The following NPAS2 variants were observed in gnomAD, a reference collection of about 807,000 sequenced individuals.
NPAS2 encodes neuronal PAS domain protein 2, also known as neuronal PAS domain-containing protein 2.
In NPAS2, 23 loss-of-function variants were observed where a neutral mutation model predicts 107.5. The ratio of observed to expected loss-of-function variants is 0.21; its 90% CI spans 0.15 to 0.30. NPAS2 has a LOEUF of 0.30. NPAS2 is among the 10% of genes least tolerant of loss of function. The pLI is 1.00. For synonymous variants in NPAS2, 403 were observed against 417.5 expected, an observed-to-expected ratio of 0.97 and a Z score of 0.42; for missense variants, 756 against 1,043.3, an observed-to-expected ratio of 0.72 and a Z score of 3.79.
chr2:100,988,364 C>A, intron 17 of NPAS2, 88 bp downstream of exon 17: 2 of 1,162,714 alleles, frequency 1.7e-6, no homozygotes, highest in African/African-American at 1.5e-5. Context: ...CTGCAGCCTA[C>A]GTGAACTGAG....
intron 1 of NPAS2, among the ~76,000 whole-genome samples, chr2:100,902,627 TG>T (rs1681860250): frequency 6.6e-6 from 1 of 152,174 alleles, no homozygotes; most frequent in African/African-American, 2.4e-5. Context: ...CTGGAATGGA[TG>T]GTGGTGATGG....
rs1201619863 is a variant in NPAS2, at chr2:100,990,274, A to C, written c.1846A>C (p.Ser616Arg). The C allele has an allele frequency of 6.2e-7, 1 of 1,614,134 alleles. No individual in the cohort carries two copies. The change falls in exon 18 of 21, where the codon AGC (serine) becomes CGC (arginine). Residue 616 changes from serine to arginine, a missense_variant. Transcript: ENST00000335681. ...ISTQGPKPMR[S>R]SQLMQSSGRS... Reference sequence around the variant, plus strand: ...GCTCCAGGGTCCAAAGCCAATGAGAAGCTCACAGCTAATGCAGAGCAGCGG... The same window carrying C: ...GCTCCAGGGTCCAAAGCCAATGAGACGCTCACAGCTAATGCAGAGCAGCGG...
At chr2:100,848,068 G>A (rs1677894474) in intron 1 of NPAS2, among the ~76,000 whole-genome samples, 1 of 152,206 alleles carries the variant, frequency 6.6e-6, no homozygotes, top group Admixed American at 6.5e-5. Context: ...TTTAGAAGTG[G>A]ATGTTTTCAA....
chr2:100,988,407 T>C (rs1677898244), intron 17 of NPAS2, 131 bp downstream of exon 17: 4 of 748,482 alleles, frequency 5.3e-6, no homozygotes, highest in Non-Finnish European at 8.8e-6. Flanking sequence ...GGACTGAGGG[T>C]AGATTTGGGA....
intron 16 of NPAS2, chr2:100,986,929 A>T (rs1478510833): frequency 6.6e-6 from 1 of 152,168 alleles, no homozygotes; most frequent in Non-Finnish European, 1.5e-5. Context: ...CACCTAAACA[A>T]CTGTTTTATT....
chr2:100,859,070 G>A (rs1323055669), intron 1 of NPAS2, among the ~76,000 whole-genome samples: 1 of 152,202 alleles, frequency 6.6e-6, no homozygotes, highest in African/African-American at 2.4e-5. Context: ...TTCAAGACCA[G>A]CCTGGCCAAC....
At chr2:100,831,226 G>A (rs925900754) in intron 1 of NPAS2, among the ~76,000 whole-genome samples, 4 of 152,144 alleles carry the variant, frequency 2.6e-5, no homozygotes, top group Admixed American at 6.5e-5. Flanking sequence ...AACCCAGGAG[G>A]CGGAGGTTGC....
At chr2:100,940,593 G>A (rs1349262211) in intron 5 of NPAS2, among the ~76,000 whole-genome samples, 3 of 152,168 alleles carry the variant, frequency 2.0e-5, no homozygotes, top group African/African-American at 7.2e-5. Flanking sequence ...ACCGTGCCTG[G>A]CCCAGAGCGA....
intron 17 of NPAS2, chr2:100,990,023 A>T: frequency 1.8e-6 from 1 of 551,402 alleles, no homozygotes; most frequent in Non-Finnish European, 3.2e-6. Flanking sequence ...AGTTCAGTTC[A>T]AGGCACATTT....
At chr2:100,839,940 A>G (rs891960015) in intron 1 of NPAS2, among the ~76,000 whole-genome samples, 5 of 152,182 alleles carry the variant, frequency 3.3e-5, no homozygotes, top group Admixed American at 2.6e-4. Flanking sequence ...GATGGAATTT[A>G]GGATTAACTT....
At chr2:100,916,889 A>G (rs1380266590) in intron 2 of NPAS2, among the ~76,000 whole-genome samples, 1 of 152,238 alleles carries the variant, frequency 6.6e-6, no homozygotes, top group African/African-American at 2.4e-5. Flanking sequence ...ATATCTCCAC[A>G]TCTTGGAAAT....
intron 7 of NPAS2, among the ~76,000 whole-genome samples, chr2:100,955,639 A>G (rs957983546): frequency 5.2e-5 from 7 of 134,530 alleles, no homozygotes; most frequent in Non-Finnish European, 1.0e-4. Flanking sequence ...CACTGGGTAA[A>G]CTGGATTGTG....
intron 2 of NPAS2, among the ~76,000 whole-genome samples, chr2:100,911,724 C>A (rs1198535397): frequency 2.6e-5 from 4 of 152,144 alleles, no homozygotes; most frequent in Non-Finnish European, 4.4e-5. Flanking sequence ...CTCCACCTCC[C>A]GGGTTCAAGC....
chr2:100,958,486 C>T (rs1317686808), intron 7 of NPAS2, among the ~76,000 whole-genome samples: 1 of 152,192 alleles, frequency 6.6e-6, no homozygotes, highest in African/African-American at 2.4e-5. Context: ...AGCAGAGTGT[C>T]CCCTCCACCC....
chr2:100,833,196 AG>A (rs1408540632), intron 1 of NPAS2, among the ~76,000 whole-genome samples: 16 of 152,218 alleles, frequency 1.1e-4, no homozygotes, highest in African/African-American at 3.6e-4. Flanking sequence ...GGCCCATAGC[AG>A]AAAGCTTTGA....
rs767945700 is a variant in NPAS2, at chr2:100,982,288, C to T, written c.1540C>T (p.Arg514Trp). 11 of 1,614,206 alleles carry T rather than the reference C, an allele frequency of 6.8e-6. No homozygotes were observed. The highest frequency in any genetic ancestry group is 4.5e-5 in the East Asian group (2 of 44,888). ...TIKDQLEQRT[R>W]ILQANIRWQQ... ...CAAAGACCAGCTAGAGCAGCGGACGCGGATCCTGCAGGCCAATATCCGGTG... is the reference window on the plus strand; with the variant it reads ...CAAAGACCAGCTAGAGCAGCGGACGTGGATCCTGCAGGCCAATATCCGGTG... The change falls in exon 16 of 21, where the codon CGG (arginine) becomes TGG (tryptophan). Residue 514 changes from arginine to tryptophan, a missense_variant. Around this residue, in one of 4 missense-constraint regions of NPAS2, gnomAD observed 496 missense variants for 594.4 expected, o/e 0.83. Coordinates refer to ENST00000335681, the MANE Select transcript of NPAS2 (RefSeq NM_002518.4).
chr2:100,862,858 A>G (rs1030884807), intron 1 of NPAS2, among the ~76,000 whole-genome samples: 3 of 152,158 alleles, frequency 2.0e-5, no homozygotes, highest in African/African-American at 7.2e-5. Flanking sequence ...CCCAGACCAG[A>G]CATGGCAGTG....
chr2:100,868,264 ACAAAT>A (rs1197235448), intron 1 of NPAS2, among the ~76,000 whole-genome samples: 1 of 152,246 alleles, frequency 6.6e-6, no homozygotes, highest in Non-Finnish European at 1.5e-5. Flanking sequence ...TGCAGGGTAT[ACAAAT>A]CTAGGGTGAT....
chr2:100,876,935 G>A (rs1680006168), intron 1 of NPAS2, among the ~76,000 whole-genome samples: 1 of 152,178 alleles, frequency 6.6e-6, no homozygotes, highest in Admixed American at 6.5e-5. Context: ...CCATGGACCA[G>A]AAAAAGGACA....
Sources: gnomAD v4.1 joint callset for allele counts (sites outside exome capture counted in the v4.1 genomes callset) on GRCh38, gnomAD v4.1.1 for gene constraint, gnomAD v4.1.1 regional missense constraint, MANE v1.5 for transcripts, NCBI Gene and HGNC (gene_info 2026-07-23, HGNC 2026-07-21) for gene names.